Variants in KALRN observed in about 807,000 individuals in gnomAD.
The protein encoded by KALRN is kalirin.
A neutral mutation model predicts 353.7 loss-of-function variants in KALRN; 70 were observed. The observed-to-expected ratio is 0.20, with a 90% CI of 0.16 to 0.24. The LOEUF (loss-of-function observed/expected upper bound fraction) is 0.24, where lower values mean the gene tolerates loss of function less well. Ranked by LOEUF, KALRN falls within the 10% of genes least tolerant of loss-of-function variation. The probability of loss-of-function intolerance (pLI) is 1.00; values close to 1 mark genes in which losing one functional copy is unlikely to be tolerated. For missense variants in KALRN, 2,791 were observed against 3,756.7 expected (o/e 0.74, Z 6.72); for synonymous variants, 1,391 against 1,434.8 (o/e 0.97, Z 0.69).
intron 33 of KALRN, among the ~76,000 whole-genome samples, chr3:124,498,785 C>A (rs144139298): frequency 5.9e-5 from 9 of 152,136 alleles, no homozygotes; most frequent in African/African-American, 2.2e-4. Context: ...GATAACAGGG[C>A]AGCCATGTGT....
At chr3:124,678,402 A>ATTT in intron 50 of KALRN, 89 bp downstream of exon 50, 7 of 1,191,422 alleles carry the variant, frequency 5.9e-6, no homozygotes, top group Non-Finnish European at 8.0e-6. Context: ...TGGATGGGTT[A>ATTT]TTTTTTTTTT....
chr3:124,405,615 G>A (rs1411318546), intron 13 of KALRN, among the ~76,000 whole-genome samples: 3 of 145,330 alleles, frequency 2.1e-5, no homozygotes. Flanking sequence ...ATTGACAGTT[G>A]TGATTATATC....
intron 33 of KALRN, among the ~76,000 whole-genome samples, chr3:124,534,146 G>A (rs950775542): frequency 6.6e-6 from 1 of 152,094 alleles, no homozygotes; most frequent in Admixed American, 6.6e-5. Flanking sequence ...ACACCCAAGA[G>A]GATTCTAAGA....
chr3:124,579,102 G>GA (rs200151193), intron 34 of KALRN, among the ~76,000 whole-genome samples: 18 of 150,932 alleles, frequency 1.2e-4, no homozygotes, highest in African/African-American at 3.2e-4. Flanking sequence ...AACCCTAAAG[G>GA]AAAAAAAAAT....
chr3:124,719,431 C>T lies in KALRN; in HGVS notation c.8922C>T (p.Val2974=), dbSNP rs372339731. 6.2e-7 allele frequency: 1 copy of T among 1,613,898 alleles called. No homozygotes were observed. Among genetic ancestry groups the T allele is most frequent in the African/African-American group, 1.3e-5 (1 of 74,934 alleles). ...HQNDVRPIPN[V]KSYIVNRVNQ... ...ATGATGTGCGGCCTATTCCCAATGT[C>T]AAGAGCTACATTGTCAACCGGGTGA... The change falls in exon 60 of 60, where the codon GTC becomes GTT. Residue 2974 remains valine (V), a synonymous_variant. Transcript: ENST00000682506. This position sits in a 1 kb window ranked among gnomAD's most constrained non-coding sequence, Gnocchi z 5.3.
At position 124,562,954 on chromosome 3, in the gene KALRN, G is replaced by A. The variant is rs776744233; in HGVS notation, c.5047G>A (p.Glu1683Lys). 192 of 1,367,770 alleles carry A rather than the reference G, an allele frequency of 1.4e-4. No homozygotes were observed. Among genetic ancestry groups the A allele is most frequent in the Non-Finnish European group, 1.8e-4 (185 of 1,022,026 alleles). 84.7% of individuals were successfully genotyped at this position (1,367,770 alleles called of 1,614,324 possible). A position where few individuals can be genotyped will look rare whatever the true frequency, so the allele number is the denominator to read the frequency against. The change falls in exon 34 of 60, where the codon GAG (glutamate) becomes AAG (lysine). Residue 1683 changes from glutamate to lysine, a missense_variant. Glu to Lys is a moderately conservative substitution (Grantham distance 56). Coordinates refer to ENST00000682506, the MANE Select transcript of KALRN (RefSeq NM_001388419.1). ...GGTAGAGCTGCTGGAGCGGCCCAGC[G>A]AGCGGCCTGGTTGGTGTCTGGTCCG... is the stretch of plus-strand genomic sequence containing the variant. ...QTVELLERPSERPGWCLVRTT... is the reference protein window; with the variant it reads ...QTVELLERPSKRPGWCLVRTT...
intron 1 of KALRN, among the ~76,000 whole-genome samples, chr3:124,040,799 A>G (rs1202609149): frequency 6.6e-6 from 1 of 152,226 alleles, no homozygotes; most frequent in Non-Finnish European, 1.5e-5. Flanking sequence ...AATCCTAGTT[A>G]TCCCTGTTGT....
intron 5 of KALRN, among the ~76,000 whole-genome samples, chr3:124,297,155 C>T (rs2076911749): frequency 6.6e-6 from 1 of 152,218 alleles, no homozygotes; most frequent in Non-Finnish European, 1.5e-5. Flanking sequence ...AGCAGGTATC[C>T]CATAAATACT....
intron 34 of KALRN, among the ~76,000 whole-genome samples, chr3:124,618,742 G>A (rs2078941769): frequency 6.6e-6 from 1 of 152,152 alleles, no homozygotes; most frequent in African/African-American, 2.4e-5. Flanking sequence ...TATGGAGCTT[G>A]GGAGGGCTGC....
intron 1 of KALRN, among the ~76,000 whole-genome samples, chr3:124,086,703 A>ATT (rs2060843659): frequency 6.6e-6 from 1 of 152,216 alleles, no homozygotes; most frequent in Non-Finnish European, 1.5e-5. Flanking sequence ...ATGAAAATAT[A>ATT]ATGTACTCAC....
chr3:124,194,906 C>A (rs2075283284), intron 1 of KALRN, among the ~76,000 whole-genome samples: 1 of 152,072 alleles, frequency 6.6e-6, no homozygotes, highest in Non-Finnish European at 1.5e-5. Flanking sequence ...GCTAAGGACA[C>A]CTATTTGAGG....
chr3:124,502,224 G>A (rs2064663849), intron 33 of KALRN, among the ~76,000 whole-genome samples: 1 of 152,256 alleles, frequency 6.6e-6, no homozygotes, highest in Non-Finnish European at 1.5e-5. Flanking sequence ...CTCCGACTGA[G>A]ATTCCCATGC....
At chr3:124,293,204 G>T (rs1382134994) in intron 5 of KALRN, among the ~76,000 whole-genome samples, 2 of 152,170 alleles carry the variant, frequency 1.3e-5, no homozygotes, top group Non-Finnish European at 2.9e-5. Context: ...GCAAAGAAAA[G>T]CCATTGGTTG....
At chr3:124,242,446 G>C (rs1248921559) in intron 3 of KALRN, among the ~76,000 whole-genome samples, 1 of 152,234 alleles carries the variant, frequency 6.6e-6, no homozygotes, top group Non-Finnish European at 1.5e-5. Flanking sequence ...CTTTTATCCA[G>C]TGAAGAGATG....
chr3:124,555,454 TAAATAA>T (rs2071118255), intron 33 of KALRN, among the ~76,000 whole-genome samples: 12 of 147,696 alleles, frequency 8.1e-5, no homozygotes, highest in African/African-American at 2.9e-4. Flanking sequence ...AATAAATAAA[TAAATAA>T]ATAAAGTTAT....
At chr3:124,281,291 C>T (rs997408282) in intron 5 of KALRN, among the ~76,000 whole-genome samples, 6 of 152,150 alleles carry the variant, frequency 3.9e-5, no homozygotes, top group African/African-American at 7.2e-5. Context: ...GTAACATATG[C>T]GTTCTGGTGG....
At chr3:124,313,885 A>C (rs557757729) in intron 6 of KALRN, among the ~76,000 whole-genome samples, 2 of 152,296 alleles carry the variant, frequency 1.3e-5, no homozygotes, top group Non-Finnish European at 2.9e-5. Context: ...GGAGGGTGTC[A>C]GTTCATTTGT....
chr3:124,371,797 C>G (rs374186781), intron 10 of KALRN, among the ~76,000 whole-genome samples: 21 of 152,256 alleles, frequency 1.4e-4, no homozygotes, highest in African/African-American at 4.8e-4. Context: ...AAGTTACAAT[C>G]TAATTAAATT....
At chr3:124,146,583 A>G (rs1203727737) in intron 1 of KALRN, among the ~76,000 whole-genome samples, 1 of 152,070 alleles carries the variant, frequency 6.6e-6, no homozygotes, top group African/African-American at 2.4e-5. Context: ...TCGGATGTTA[A>G]AAAGGGAGTA....
Sources: allele counts gnomAD v4.1 joint callset (sites outside exome capture counted in the v4.1 genomes callset), GRCh38; gene constraint gnomAD v4.1.1; non-coding constraint Gnocchi (gnomAD v3.1); transcripts MANE v1.5; gene names NCBI Gene and HGNC (gene_info 2026-07-23, HGNC 2026-07-21).